The following ESR1 variants were observed in gnomAD, a reference collection of about 807,000 sequenced individuals.
The protein encoded by ESR1 is estrogen receptor.
A neutral mutation model predicts 52.7 loss-of-function variants in ESR1; 12 were observed. That is an observed-to-expected ratio of 0.23 (90% CI 0.15 to 0.37). The LOEUF is 0.37. Ranked by LOEUF, ESR1 falls within the 10% of genes least tolerant of loss-of-function variation. ESR1 has a pLI of 1.00. For synonymous variants in ESR1, 305 were observed against 316.8 expected, an observed-to-expected ratio of 0.96 and a Z score of 0.39; for missense variants, 584 against 779.7, an observed-to-expected ratio of 0.75 and a Z score of 2.99.
intron 3 of ESR1, among the ~76,000 whole-genome samples, chr6:151,889,885 CTTTTT>C (rs1794443823): frequency 6.6e-6 from 1 of 151,884 alleles, no homozygotes; most frequent in Non-Finnish European, 1.5e-5. Flanking sequence ...TTCAACTTTT[CTTTTT>C]ATTTCTTCTT....
upstream of ESR1, chr6:151,805,344 T>A (rs1049170049): frequency 1.3e-5 from 2 of 152,188 alleles, no homozygotes; most frequent in Non-Finnish European, 2.9e-5. Flanking sequence ...AAACTTGATA[T>A]CCATACACTT....
Position 152,053,047 on chromosome 6 carries a change from T to C in ESR1, c.1236-7944T>C, listed in dbSNP as rs1585021200. On this transcript the variant is annotated intron_variant, in intron 5 of 7. Coordinates refer to ENST00000206249, the MANE Select transcript of ESR1 (RefSeq NM_000125.4). This position sits in a 1 kb window ranked among gnomAD's most constrained non-coding sequence, Gnocchi z 4.1. ...TTCTCTGAAAATAATATCACATTTG[T>C]TTAGTAAAAAAATTGTTTACTAAAA... Among the ~76,000 whole-genome samples the C allele has an allele frequency of 6.6e-6, 1 of 152,316 alleles. No individual in the cohort carries two copies. Among genetic ancestry groups the C allele is most frequent in the East Asian group, 1.9e-4 (1 of 5,192 alleles).
intron 3 of ESR1, among the ~76,000 whole-genome samples, chr6:151,893,859 T>C (rs551259352): frequency 6.6e-6 from 1 of 152,304 alleles, no homozygotes; most frequent in South Asian, 2.1e-4. Flanking sequence ...ATGGGAACCA[T>C]AAAGGATCTT....
At chr6:151,665,664 C>T (rs561596893) in intron 1 of ESR1, among the ~76,000 whole-genome samples, 1 of 152,036 alleles carries the variant, frequency 6.6e-6, no homozygotes, top group African/African-American at 2.4e-5. Flanking sequence ...CATGCCGAGA[C>T]TTAAAAGGTT....
At chr6:151,877,095 A>T (rs1206853432) in intron 2 of ESR1, among the ~76,000 whole-genome samples, 5 of 152,068 alleles carry the variant, frequency 3.3e-5, no homozygotes, top group African/African-American at 1.2e-4. Context: ...AGATAATAAA[A>T]TTTAAAAAGA....
Position 151,950,649 on chromosome 6 carries a change from G to A in ESR1, c.1096+6141G>A, listed in dbSNP as rs560439552. On this transcript the variant is annotated intron_variant, in intron 4 of 7. Transcript: ENST00000206249. ...ATATGAAGAGACACAGGAAGAGGAC[G>A]GTCATGTGACTGGAGTGCTGGGTCT... 1.3e-4 allele frequency among the ~76,000 whole-genome samples: 20 copies of A among 152,206 alleles called. 1 individual carries two copies. The South Asian group carries it at 3.1e-3, about 24-fold the overall frequency.
intron 4 of ESR1, among the ~76,000 whole-genome samples, chr6:151,959,387 AT>A (rs1189944766): frequency 6.6e-6 from 1 of 152,108 alleles, no homozygotes; most frequent in Admixed American, 6.5e-5. Flanking sequence ...TCAAATGCTT[AT>A]TTTCTCATGA....
rs1447240237 is a variant in ESR1, at chr6:151,839,035, T to C, written c.453-3562T>C. Among the ~76,000 whole-genome samples the C allele has an allele frequency of 3.3e-5, 5 of 152,226 alleles. No homozygotes were observed. In the East Asian group the frequency reaches 9.6e-4, roughly 29 times the overall value. On this transcript the variant is annotated intron_variant, in intron 1 of 7. Coordinates refer to ENST00000206249, the MANE Select transcript of ESR1 (RefSeq NM_000125.4). ...CATTTATTGATTCAGTCATTTGATA[T>C]CAATGTTGTTGAGTCCCTATTCCAA...
At chr6:151,827,666 T>G (rs1469896164) in intron 1 of ESR1, among the ~76,000 whole-genome samples, 1 of 152,180 alleles carries the variant, frequency 6.6e-6, no homozygotes, top group Admixed American at 6.5e-5. Context: ...ATAATACCAT[T>G]ATATTTTAAA....
chr6:151,679,071 A>AT (rs1172017413), intron 1 of ESR1, among the ~76,000 whole-genome samples: 13 of 152,102 alleles, frequency 8.5e-5, no homozygotes, highest in African/African-American at 1.9e-4. Flanking sequence ...CAAAAAAAGT[A>AT]TTTTTCTTTA....
At chr6:151,970,218 G>A (rs536515802) in intron 4 of ESR1, among the ~76,000 whole-genome samples, 36 of 152,174 alleles carry the variant, frequency 2.4e-4, no homozygotes, top group African/African-American at 7.7e-4. Context: ...GGTTAAGGAA[G>A]GCCAGTGATA....
At chr6:151,949,511 G>A (rs967852218) in intron 4 of ESR1, among the ~76,000 whole-genome samples, 3 of 152,252 alleles carry the variant, frequency 2.0e-5, no homozygotes, top group African/African-American at 7.2e-5. Flanking sequence ...GGACATATGG[G>A]TGACATCCTG....
intron 2 of ESR1, among the ~76,000 whole-genome samples, chr6:151,776,562 C>A (rs2504068): frequency 6.6e-6 from 1 of 151,990 alleles, no homozygotes; most frequent in African/African-American, 2.4e-5. Flanking sequence ...CGGAGGCCGG[C>A]TGGGGTGGCT....
At chr6:151,826,926 G>A (rs1309133347) in intron 1 of ESR1, among the ~76,000 whole-genome samples, 1 of 152,150 alleles carries the variant, frequency 6.6e-6, no homozygotes, top group Non-Finnish European at 1.5e-5. Context: ...GAGATATCCT[G>A]GTGAAAAGCA....
chr6:151,977,412 C>T (rs2039537339), intron 4 of ESR1, among the ~76,000 whole-genome samples: 1 of 141,430 alleles, frequency 7.1e-6, no homozygotes, highest in Admixed American at 7.6e-5. Context: ...TGAGAGATTT[C>T]AGCTAGGATG....
intron 5 of ESR1, among the ~76,000 whole-genome samples, chr6:152,039,599 G>A (rs1009432140): frequency 2.6e-5 from 4 of 152,106 alleles, no homozygotes; most frequent in African/African-American, 4.8e-5. Flanking sequence ...TTTTACTAGC[G>A]GGTCTCTAGG....
chr6:151,763,689 C>G (rs561451611), intron 2 of ESR1, among the ~76,000 whole-genome samples: 1 of 152,216 alleles, frequency 6.6e-6, no homozygotes, highest in South Asian at 2.1e-4. Flanking sequence ...GGAGTGTATT[C>G]CTGGAAGAAG....
intron 5 of ESR1, among the ~76,000 whole-genome samples, chr6:152,037,785 T>A (rs941152996): frequency 2.0e-4 from 30 of 152,162 alleles, no homozygotes; most frequent in African/African-American, 7.0e-4. Context: ...TTGCTTATGA[T>A]CACAAGGCTA....
At chr6:151,988,329 G>T (rs1040225037) in intron 4 of ESR1, among the ~76,000 whole-genome samples, 8 of 152,082 alleles carry the variant, frequency 5.3e-5, no homozygotes, top group African/African-American at 1.9e-4. Flanking sequence ...TGTGTGCACA[G>T]TTCACAGTAG....
Sources: gnomAD v4.1 joint callset for allele counts (sites outside exome capture counted in the v4.1 genomes callset) on GRCh38, gnomAD v4.1.1 for gene constraint, Gnocchi (gnomAD v3.1) non-coding constraint, MANE v1.5 for transcripts, NCBI Gene and HGNC (gene_info 2026-07-23, HGNC 2026-07-21) for gene names.